The following SORBS2 variants were observed in gnomAD, a reference collection of about 807,000 sequenced individuals.
The protein encoded by SORBS2 is sorbin and SH3 domain-containing protein 2.
Under a neutral mutation model 97.7 loss-of-function variants are expected in SORBS2, and 46 were observed. The observed-to-expected ratio is 0.47, with a 90% confidence interval of 0.37 to 0.60. SORBS2 has a LOEUF of 0.60. SORBS2 is among the 20% of genes least tolerant of loss of function. The probability of loss-of-function intolerance (pLI) is 0.00; values close to 1 mark genes in which losing one functional copy is unlikely to be tolerated. For synonymous variants in SORBS2, 476 were observed against 473.4 expected (o/e 1.01, Z -0.07); for missense variants, 1,316 against 1,282.3 (o/e 1.03, Z -0.40).
chr4:185,727,740 G>A (rs1250158348), intron 2 of SORBS2, among the ~76,000 whole-genome samples: 3 of 152,108 alleles, frequency 2.0e-5, no homozygotes, highest in African/African-American at 7.2e-5. Flanking sequence ...GATACGACCA[G>A]GTTTGCTACA....
intron 2 of SORBS2, among the ~76,000 whole-genome samples, chr4:185,707,019 A>T (rs542320748): frequency 6.6e-6 from 1 of 152,334 alleles, no homozygotes; most frequent in South Asian, 2.1e-4. Flanking sequence ...ACTGCTTGGC[A>T]GATAATTTAA....
chr4:185,664,373 C>T (rs1486810976), intron 4 of SORBS2, among the ~76,000 whole-genome samples: 1 of 152,158 alleles, frequency 6.6e-6, no homozygotes, highest in Non-Finnish European at 1.5e-5. Context: ...AGTTAGTCTC[C>T]TGTAAAGTCT....
At chr4:185,871,763 A>G (rs554374850) in intron 1 of SORBS2, among the ~76,000 whole-genome samples, 1 of 152,252 alleles carries the variant, frequency 6.6e-6, no homozygotes, top group African/African-American at 2.4e-5. Context: ...TTGGAAATAC[A>G]CCTGTTCCCT....
chr4:185,606,824 C>A lies in SORBS2; in HGVS notation c.2796+4956G>T, dbSNP rs1233309198. 1.0e-6 allele frequency: 1 copy of A among 985,260 alleles called. No individual in the cohort carries two copies. The highest frequency in any genetic ancestry group is 1.2e-6 in the Non-Finnish European group (1 of 829,940). The allele number at this position is 985,260 out of a possible 1,614,324, so 61.0% of individuals were successfully genotyped here. A position where few individuals can be genotyped will look rare whatever the true frequency, so the allele number is the denominator to read the frequency against. ...TCATAGATGCCCTCATCTTCCTCTCCAATGACCGGAAGGGGTACAGGCAAG... is the reference window on the plus strand; with the variant it reads ...TCATAGATGCCCTCATCTTCCTCTCAAATGACCGGAAGGGGTACAGGCAAG... On this transcript the variant is annotated intron_variant, in intron 12 of 14. Transcript: ENST00000418609. The surrounding 1 kb of genome is among the most constrained non-coding windows in gnomAD (Gnocchi z 4.3).
At chr4:185,654,175 G>A (rs2097358472) in intron 1 of SORBS2, among the ~76,000 whole-genome samples, 1 of 152,228 alleles carries the variant, frequency 6.6e-6, no homozygotes, top group Admixed American at 6.5e-5. Context: ...CCATGGAAGA[G>A]TTGAGGTTAT....
intron 2 of SORBS2, among the ~76,000 whole-genome samples, chr4:185,744,609 G>A (rs963776053): frequency 1.3e-5 from 2 of 152,190 alleles, no homozygotes; most frequent in Non-Finnish European, 2.9e-5. Flanking sequence ...TGGCACTAAT[G>A]AGCCTGCCAC....
intron 2 of SORBS2, among the ~76,000 whole-genome samples, chr4:185,711,572 A>G (rs2098420858): frequency 6.6e-6 from 1 of 152,076 alleles, no homozygotes; most frequent in African/African-American, 2.4e-5. Flanking sequence ...TGTCTAACAT[A>G]TTTTTACTGT....
At chr4:185,862,150 T>C (rs1561244748) in intron 1 of SORBS2, among the ~76,000 whole-genome samples, 1 of 152,292 alleles carries the variant, frequency 6.6e-6, no homozygotes, top group East Asian at 1.9e-4. Context: ...TGTGTGTGTG[T>C]GCTTGCAAGT....
chr4:185,806,112 T>G (rs954120151), intron 1 of SORBS2, among the ~76,000 whole-genome samples: 1 of 152,226 alleles, frequency 6.6e-6, no homozygotes, highest in African/African-American at 2.4e-5. Flanking sequence ...TCTCAATAGG[T>G]GGAAGAGGAT....
intron 1 of SORBS2, among the ~76,000 whole-genome samples, chr4:185,875,863 G>T (rs545674776): frequency 1.3e-5 from 2 of 152,256 alleles, no homozygotes; most frequent in East Asian, 3.9e-4. Context: ...GTAATAACAT[G>T]ACTTCCAAGA....
chr4:185,906,975 TAAAA>T (rs1365516632), intron 1 of SORBS2, among the ~76,000 whole-genome samples: 1 of 151,506 alleles, frequency 6.6e-6, no homozygotes, highest in Non-Finnish European at 1.5e-5. Flanking sequence ...AAAATAAAAT[TAAAA>T]AAAGAAATTA....
intron 1 of SORBS2, among the ~76,000 whole-genome samples, chr4:185,868,173 T>TTTTTTTTTTTTTA (rs2099228273): frequency 7.0e-6 from 1 of 142,342 alleles, no homozygotes; most frequent in Non-Finnish European, 1.5e-5. Context: ...TTTTTTTTTT[T>TTTTTTTTTTTTTA]TGAGGCAGAG....
Position 185,875,832 on chromosome 4 carries a change from T to C in SORBS2, c.-338+80364A>G, listed in dbSNP as rs756079949. Among the ~76,000 whole-genome samples the C allele has an allele frequency of 2.0e-5, 3 of 152,244 alleles. No homozygotes were observed. The South Asian group carries it at 6.2e-4, about 31-fold the overall frequency. On this transcript the variant is annotated intron_variant, in intron 1 of 20. Coordinates refer to the SORBS2 transcript ENST00000284776. ...AGGCGTTCTAGAGTCTGTATTGTCT[T>C]TTGACTTGGTGTTTTTTCAGGTAAT...
At chr4:185,884,807 T>G (rs1474944008) in intron 1 of SORBS2, among the ~76,000 whole-genome samples, 1 of 152,248 alleles carries the variant, frequency 6.6e-6, no homozygotes, top group East Asian at 1.9e-4. Context: ...AGGGAGTTTC[T>G]TTAGATAGTT....
chr4:185,676,091 T>G (rs2097785619), intron 4 of SORBS2, among the ~76,000 whole-genome samples: 1 of 152,252 alleles, frequency 6.6e-6, no homozygotes, highest in Admixed American at 6.5e-5. Flanking sequence ...ACACTAGCGC[T>G]GTTGCTGCTA....
At chr4:185,941,108 A>G (rs141657841) in intron 1 of SORBS2, among the ~76,000 whole-genome samples, 2 of 152,336 alleles carry the variant, frequency 1.3e-5, no homozygotes, top group Non-Finnish European at 2.9e-5. Context: ...CACAGCACTT[A>G]TCTGCATCAT....
chr4:185,875,073 A>G (rs1365546530), intron 1 of SORBS2, among the ~76,000 whole-genome samples: 9 of 152,170 alleles, frequency 5.9e-5, no homozygotes, highest in Admixed American at 4.6e-4. Context: ...ACCAGGAAGT[A>G]TGTCCTCAAC....
chr4:185,672,039 T>G (rs1223257183), intron 4 of SORBS2, among the ~76,000 whole-genome samples: 1 of 152,170 alleles, frequency 6.6e-6, no homozygotes, highest in Non-Finnish European at 1.5e-5. Context: ...GATCAACTAA[T>G]AGCATTACGA....
chr4:185,866,907 T>C (rs2099227166), intron 1 of SORBS2, among the ~76,000 whole-genome samples: 1 of 132,412 alleles, frequency 7.6e-6, no homozygotes, highest in Non-Finnish European at 1.6e-5. Context: ...AAGGCAGGAC[T>C]CTGAGTTATG....
Sources: allele counts gnomAD v4.1 joint callset (sites outside exome capture counted in the v4.1 genomes callset), GRCh38; gene constraint gnomAD v4.1.1; non-coding constraint Gnocchi (gnomAD v3.1); transcripts MANE v1.5; gene names NCBI Gene and HGNC (gene_info 2026-07-23, HGNC 2026-07-21).